The following PLAC1 variants were observed in gnomAD, a reference collection of about 807,000 sequenced individuals.
PLAC1 encodes the protein placenta associated 1, also known as placenta-specific protein 1.
For synonymous variants in PLAC1, 68 were observed against 62.1 expected, an observed-to-expected ratio of 1.09 and a Z score of -0.44; for missense variants, 136 against 163.2, an observed-to-expected ratio of 0.83 and a Z score of 0.91.
At chrX:134,757,945 A>G (rs983335622) in intron 1 of PLAC1, among the ~76,000 whole-genome samples, 1 of 111,644 alleles carries the variant, frequency 9.0e-6, no homozygotes, top group Non-Finnish European at 1.9e-5. Context: ...CTTCTTTTAA[A>G]ATAAAAAGTT....
chrX:134,763,857 A>AG (rs923647429), intron 1 of PLAC1, among the ~76,000 whole-genome samples: 2 of 108,956 alleles, frequency 1.8e-5, no homozygotes, highest in Non-Finnish European at 1.9e-5. Context: ...AGAAAGAAAG[A>AG]AAGAGAAAAG....
At chrX:134,756,215 G>A (rs1272335369) in intron 1 of PLAC1, among the ~76,000 whole-genome samples, 1 of 110,299 alleles carries the variant, frequency 9.1e-6, no homozygotes, top group Non-Finnish European at 1.9e-5. Context: ...TTTTTACTTT[G>A]ATTTTTATGT....
chrX:134,681,397 G>T (rs1453684411), intron 2 of PLAC1, among the ~76,000 whole-genome samples: 5 of 111,362 alleles, frequency 4.5e-5, no homozygotes, highest in African/African-American at 1.6e-4. Flanking sequence ...GTGGGGGATA[G>T]ACTGAGCTAC....
At chrX:134,592,954 C>T (rs1370205407) in intron 2 of PLAC1, among the ~76,000 whole-genome samples, 2 of 109,857 alleles carry the variant, frequency 1.8e-5, no homozygotes, top group Non-Finnish European at 3.8e-5. Flanking sequence ...GTCTCGATCT[C>T]CTGACCTTGT....
chrX:134,758,003 T>C (rs753342458), intron 1 of PLAC1, among the ~76,000 whole-genome samples: 2 of 111,482 alleles, frequency 1.8e-5, no homozygotes, highest in South Asian at 7.4e-4. Flanking sequence ...TTCTATATGA[T>C]GGCCAATAAT....
upstream of PLAC1, among the ~76,000 whole-genome samples, chrX:134,661,555 A>G (rs1017403792): frequency 2.7e-5 from 3 of 112,488 alleles, no homozygotes; most frequent in Non-Finnish European, 5.6e-5. Context: ...ACCACACTAC[A>G]GTAGTTCCTT....
At chrX:134,579,156 T>A (rs999446002) in intron 2 of PLAC1, among the ~76,000 whole-genome samples, 4 of 110,367 alleles carry the variant, frequency 3.6e-5, no homozygotes, top group African/African-American at 1.3e-4. Context: ...TCCCCAGCCC[T>A]ACCCCAATAG....
At position 134,735,175 on chromosome X, in the gene PLAC1, C is replaced by T. The variant is rs763060453; in HGVS notation, n.90-1656G>A. On this transcript the variant is annotated intron_variant and non_coding_transcript_variant, in intron 1 of 2. Coordinates refer to the PLAC1 transcript ENST00000466797. ...TAGGAAGCAGGGGCTCAGGAACCTG[C>T]CTAGTGCCACGGCTATAAGGAGCAC... Among the ~76,000 whole-genome samples the T allele has an allele frequency of 6.3e-5, 7 of 111,641 alleles. No homozygotes were observed. The South Asian group carries it at 2.6e-3, about 42-fold the overall frequency.
intron 2 of PLAC1, among the ~76,000 whole-genome samples, chrX:134,688,202 A>G (rs986954206): frequency 9.9e-5 from 11 of 111,288 alleles, no homozygotes; most frequent in Non-Finnish European, 2.1e-4. Context: ...AGTTTGACTC[A>G]TAGAAATCAG....
chrX:134,709,737 T>C (rs969684073), intron 2 of PLAC1, among the ~76,000 whole-genome samples: 8 of 112,202 alleles, frequency 7.1e-5, no homozygotes, highest in Non-Finnish European at 1.3e-4. Flanking sequence ...TTATAAATCG[T>C]GGAGGATAAG....
chrX:134,674,432 T>C (rs1334992686), intron 2 of PLAC1, among the ~76,000 whole-genome samples: 1 of 112,011 alleles, frequency 8.9e-6, no homozygotes, highest in Non-Finnish European at 1.9e-5. Flanking sequence ...GATGTTTCTA[T>C]GTCTTCAGTA....
intron 1 of PLAC1, among the ~76,000 whole-genome samples, chrX:134,738,414 T>G (rs2078709081): frequency 8.9e-6 from 1 of 111,825 alleles, no homozygotes; most frequent in Non-Finnish European, 1.9e-5. Flanking sequence ...TTCTGTTCTA[T>G]CTCCAAGGTT....
chrX:134,644,108 T>C (rs61537149), intron 1 of PLAC1, among the ~76,000 whole-genome samples: 15,122 of 110,675 alleles, frequency 0.14, 2,558 homozygotes, highest in African/African-American at 0.47. Flanking sequence ...AAGAACAAGA[T>C]AGAAATGTCT....
intron 2 of PLAC1, among the ~76,000 whole-genome samples, chrX:134,733,006 G>A (rs888069197): frequency 3.6e-5 from 4 of 111,654 alleles, no homozygotes; most frequent in African/African-American, 1.3e-4. Flanking sequence ...TTTCCTCCCA[G>A]GAAAAGTGAA....
rs139978032 is a variant in PLAC1, at chrX:134,671,878, A to G, written n.174+61557T>C. ...AGTTCTGCCCTGACCTCATAAATCA[A>G]GCAAAACCCTCCCAAGTCATTGGGT... On this transcript the variant is annotated intron_variant and non_coding_transcript_variant, in intron 2 of 2. Coordinates refer to the PLAC1 transcript ENST00000466797. Among the ~76,000 whole-genome samples the G allele has an allele frequency of 8.6e-3, 964 of 111,961 alleles. 11 individuals are homozygous for G. The highest frequency in any genetic ancestry group is 0.03 in the African/African-American group (928 of 30,776).
chrX:134,655,163 T>G (rs1362113394), intron 1 of PLAC1, among the ~76,000 whole-genome samples: 5 of 111,522 alleles, frequency 4.5e-5, no homozygotes, highest in Non-Finnish European at 9.4e-5. Flanking sequence ...TGTTGTTGTT[T>G]TTTACAATGT....
chrX:134,606,822 G>A (rs1427042210), intron 1 of PLAC1, among the ~76,000 whole-genome samples: 2 of 111,493 alleles, frequency 1.8e-5, no homozygotes, highest in Non-Finnish European at 3.8e-5. Flanking sequence ...GTCCATCAGT[G>A]GTGGATTGGA....
At chrX:134,678,716 G>T (rs1411067278) in intron 2 of PLAC1, among the ~76,000 whole-genome samples, 1 of 111,946 alleles carries the variant, frequency 8.9e-6, no homozygotes, top group Non-Finnish European at 1.9e-5. Flanking sequence ...AGTAGGAGTG[G>T]TGGGTTGAAT....
At chrX:134,653,990 G>A (rs1406101590) in intron 1 of PLAC1, among the ~76,000 whole-genome samples, 1 of 111,966 alleles carries the variant, frequency 8.9e-6, no homozygotes, top group African/African-American at 3.2e-5. Context: ...TTGCAAGGAG[G>A]AGTCTTATGT....
Sources: allele counts gnomAD v4.1 joint callset (sites outside exome capture counted in the v4.1 genomes callset), GRCh38; gene constraint gnomAD v4.1.1; transcripts MANE v1.5; gene names NCBI Gene and HGNC (gene_info 2026-07-23, HGNC 2026-07-21).